Variants in NXPE3 observed in about 807,000 individuals in gnomAD.
NXPE3 encodes neurexophilin and PC-esterase domain family member 3, also known as NXPE family member 3.
Under a neutral mutation model 46.1 loss-of-function variants are expected in NXPE3, and 26 were observed. The ratio of observed to expected loss-of-function variants is 0.56; its 90% CI spans 0.41 to 0.78. NXPE3 has a LOEUF of 0.78. Among genes scored for constraint, NXPE3 ranks in the 30% least tolerant of loss-of-function variants. The pLI is 0.00. For synonymous variants in NXPE3, 272 were observed against 257.9 expected (o/e 1.05, Z -0.52); for missense variants, 620 against 686.0 (o/e 0.90, Z 1.07).
chr3:101,822,174 CTCTTAACT>C lies in NXPE3; in HGVS notation c.*221_*228del. On this transcript the variant is annotated 3_prime_UTR_variant, in exon 8 of 8. Transcript: ENST00000273347. Reference sequence around the variant, plus strand: ...CAATGTTGACTTAGCCATGGTAGAACTCTTAACTGCATCTACACACTATATTGCTCTTG... The same window carrying C: ...CAATGTTGACTTAGCCATGGTAGAACGCATCTACACACTATATTGCTCTTG... The C allele has an allele frequency of 1.8e-6, 1 of 541,336 alleles. No homozygotes were observed. Among genetic ancestry groups the C allele is most frequent in the Non-Finnish European group, 3.3e-6 (1 of 303,612 alleles). The allele number at this position is 541,336 out of a possible 1,614,324, so 33.5% of individuals were successfully genotyped here. A position where few individuals can be genotyped will look rare whatever the true frequency, so the allele number is the denominator to read the frequency against.
At chr3:101,799,129 G>A (rs1423062032) in intron 4 of NXPE3, among the ~76,000 whole-genome samples, 2 of 151,776 alleles carry the variant, frequency 1.3e-5, no homozygotes, top group Non-Finnish European at 2.9e-5. Flanking sequence ...TGTAGAGATG[G>A]GGGTCTTGCT....
intron 4 of NXPE3, among the ~76,000 whole-genome samples, chr3:101,789,131 T>C (rs1940357530): frequency 6.6e-6 from 1 of 152,222 alleles, no homozygotes; most frequent in African/African-American, 2.4e-5. Context: ...CTGATCTTTA[T>C]TATTTCCCTT....
intron 5 of NXPE3, among the ~76,000 whole-genome samples, chr3:101,804,007 A>C (rs1481939137): frequency 6.6e-6 from 1 of 152,236 alleles, no homozygotes; most frequent in Non-Finnish European, 1.5e-5. Context: ...TGATACAAGC[A>C]TATAATATGT....
chr3:101,792,219 TTACTC>T (rs1170735274), intron 4 of NXPE3, among the ~76,000 whole-genome samples: 2 of 152,222 alleles, frequency 1.3e-5, no homozygotes, highest in East Asian at 3.8e-4. Flanking sequence ...GGTTGTCTGT[TTACTC>T]TATTGATAGT....
chr3:101,815,195 C>G (rs13084113), intron 6 of NXPE3, among the ~76,000 whole-genome samples: 46,917 of 152,086 alleles, frequency 0.31, 7,444 homozygotes, highest in Non-Finnish European at 0.34. Context: ...AACTAGGTTA[C>G]AACCAGGAGG....
At chr3:101,814,878 G>A (rs1941900473) in intron 6 of NXPE3, among the ~76,000 whole-genome samples, 1 of 152,146 alleles carries the variant, frequency 6.6e-6, no homozygotes, top group Admixed American at 6.5e-5. Context: ...TGGGCTTTGG[G>A]CTCACTTGCT....
chr3:101,790,457 G>A (rs1253165310), intron 4 of NXPE3, among the ~76,000 whole-genome samples: 2 of 152,108 alleles, frequency 1.3e-5, no homozygotes, highest in African/African-American at 4.8e-5. Context: ...GAATTTAGTT[G>A]CTTTATCATC....
At chr3:101,784,458 G>A (rs142330912) in intron 3 of NXPE3, among the ~76,000 whole-genome samples, 1 of 152,300 alleles carries the variant, frequency 6.6e-6, no homozygotes, top group East Asian at 1.9e-4. Context: ...AGGCAGAGGA[G>A]TGAGAGAATG....
chr3:101,806,607 T>G (rs1052136776), intron 5 of NXPE3, among the ~76,000 whole-genome samples: 7 of 152,164 alleles, frequency 4.6e-5, no homozygotes, highest in African/African-American at 1.4e-4. Flanking sequence ...AGTAAGTATC[T>G]GGGGGGCAAG....
At chr3:101,805,982 C>T (rs1293831086) in intron 5 of NXPE3, among the ~76,000 whole-genome samples, 1 of 151,976 alleles carries the variant, frequency 6.6e-6, no homozygotes, top group Non-Finnish European at 1.5e-5. Flanking sequence ...TATGTGCTCT[C>T]TTAAAAATCA....
Position 101,809,216 on chromosome 3 carries a change from A to G in NXPE3, c.922+2090A>G, listed in dbSNP as rs142596221. ...TTTTGATATATTTTTAGAGGAAGAA[A>G]GTAACTATGAATTAGTAGGAGCAGA... On this transcript the variant is annotated intron_variant, in intron 6 of 7. Transcript: ENST00000273347. Among the ~76,000 whole-genome samples the G allele has an allele frequency of 4.5e-4, 68 of 152,274 alleles. 1 individual carries two copies. The highest frequency in any genetic ancestry group is 1.6e-3 in the African/African-American group (66 of 41,556).
chr3:101,805,977 G>A (rs1200342217), intron 5 of NXPE3, among the ~76,000 whole-genome samples: 6 of 151,700 alleles, frequency 4.0e-5, no homozygotes, highest in African/African-American at 1.5e-4. Flanking sequence ...GTTTATATGT[G>A]CTCTCTTAAA....
At position 101,797,335 on chromosome 3, in the gene NXPE3, T is replaced by A. The variant is rs183874225; in HGVS notation, c.94-3900T>A. On this transcript the variant is annotated intron_variant, in intron 4 of 7. Transcript: ENST00000273347. ...TCATGGGTGGTTAAGAACACAGGTC[T>A]TAATTCAGACAGCTTGGCTTCTAAT... is the stretch of plus-strand genomic sequence containing the variant. Among the ~76,000 whole-genome samples, 7 of 152,328 alleles carry A rather than the reference T, an allele frequency of 4.6e-5. No individual in the cohort carries two copies. In the East Asian group the frequency reaches 1.3e-3, roughly 29 times the overall value.
At chr3:101,799,758 A>G (rs1941034520) in intron 4 of NXPE3, among the ~76,000 whole-genome samples, 2 of 152,126 alleles carry the variant, frequency 1.3e-5, no homozygotes, top group South Asian at 4.1e-4. Context: ...TCCACTAGTT[A>G]TAATATTACT....
chr3:101,812,997 A>T (rs1408791885), intron 6 of NXPE3, among the ~76,000 whole-genome samples: 1 of 152,118 alleles, frequency 6.6e-6, no homozygotes, highest in African/African-American at 2.4e-5. Context: ...CCAAGGTTTC[A>T]TAGGGGGAAT....
Position 101,782,186 on chromosome 3 carries a change from G to C in NXPE3, c.-421G>C, listed in dbSNP as rs1939863118. 6.6e-6 allele frequency: 1 copy of C among 152,152 alleles called. No homozygotes were observed. The highest frequency in any genetic ancestry group is 2.4e-5 in the African/African-American group (1 of 41,440). The allele number at this position is 152,152 out of a possible 1,614,324, so 9.4% of individuals were successfully genotyped here. A position where few individuals can be genotyped will look rare whatever the true frequency, so the allele number is the denominator to read the frequency against. ...GGCATGAAAAAAATGAGGACCTCTG[G>C]TCAAAATTGCCTGAGTTCAGAATTT... is the stretch of plus-strand genomic sequence containing the variant. On this transcript the variant is annotated 5_prime_UTR_variant, in exon 2 of 8. Coordinates refer to ENST00000273347, the MANE Select transcript of NXPE3 (RefSeq NM_145037.4).
chr3:101,812,134 G>T (rs1348089445), intron 6 of NXPE3, among the ~76,000 whole-genome samples: 1 of 152,118 alleles, frequency 6.6e-6, no homozygotes, highest in Admixed American at 6.5e-5. Flanking sequence ...TCATTTTGTG[G>T]ATGAGACCTC....
At chr3:101,805,968 T>C (rs1941398418) in intron 5 of NXPE3, among the ~76,000 whole-genome samples, 1 of 152,044 alleles carries the variant, frequency 6.6e-6, no homozygotes, top group Non-Finnish European at 1.5e-5. Context: ...ATGAAAGTAG[T>C]TTATATGTGC....
At chr3:101,818,715 T>TTATATATATATATATATATA (rs61602305) in intron 7 of NXPE3, among the ~76,000 whole-genome samples, 1 of 38,030 alleles carries the variant, frequency 2.6e-5, no homozygotes. Context: ...ATATGACAAT[T>TTATATATATATATATATATA]TATATATATA....
Sources: gnomAD v4.1 joint callset for allele counts (sites outside exome capture counted in the v4.1 genomes callset) on GRCh38, gnomAD v4.1.1 for gene constraint, MANE v1.5 for transcripts, NCBI Gene and HGNC (gene_info 2026-07-23, HGNC 2026-07-21) for gene names.